Variants in TXNL4A observed in about 807,000 individuals in gnomAD.
TXNL4A encodes thioredoxin-like protein 4A.
TXNL4A carries 17 observed loss-of-function variants against 14.6 expected under a neutral mutation model. The observed-to-expected ratio is 1.16, with a 90% CI of 0.80 to 1.74. TXNL4A has a LOEUF of 1.74. TXNL4A is among the 40% of genes most tolerant of loss of function. The probability of loss-of-function intolerance (pLI) is 0.00; values close to 1 mark genes in which losing one functional copy is unlikely to be tolerated. For synonymous variants in TXNL4A, 83 were observed against 70.6 expected, an observed-to-expected ratio of 1.18 and a Z score of -0.88; for missense variants, 74 against 195.2, an observed-to-expected ratio of 0.38 and a Z score of 3.70.
At chr18:80,007,543 A>AGGCCTGGTTTTG (rs1426364074) in intron 1 of TXNL4A, among the ~76,000 whole-genome samples, 2 of 151,848 alleles carry the variant, frequency 1.3e-5, no homozygotes, top group Non-Finnish European at 2.9e-5. Flanking sequence ...AGGCAGGCCC[A>AGGCCTGGTTTTG]GGCCTGGTTT....
At chr18:80,031,669 G>A in intron 1 of TXNL4A, among the ~76,000 whole-genome samples, 1 of 152,216 alleles carries the variant, frequency 6.6e-6, no homozygotes, top group East Asian at 1.9e-4. Flanking sequence ...AAACGACGGG[G>A]TCATGCTTAT....
intron 1 of TXNL4A, among the ~76,000 whole-genome samples, chr18:80,008,804 G>A (rs1257337056): frequency 1.3e-5 from 2 of 152,138 alleles, no homozygotes; most frequent in Non-Finnish European, 2.9e-5. Flanking sequence ...TTGAGATGGA[G>A]TCTCGCTCTG....
At chr18:79,988,984 A>C (rs1396411726), upstream of TXNL4A, among the ~76,000 whole-genome samples, 3 of 152,210 alleles carry the variant, frequency 2.0e-5, no homozygotes, top group Non-Finnish European at 2.9e-5. Context: ...TGATCATAAA[A>C]ATGTGTCGTT....
rs755824452 is a variant in TXNL4A, at chr18:79,971,528, C to A, written c.*2157G>T. The A allele has an allele frequency of 5.9e-5, 9 of 152,268 alleles. No homozygotes were observed. Among genetic ancestry groups the A allele is most frequent in the Non-Finnish European group, 1.0e-4 (7 of 68,108 alleles). The allele number at this position is 152,268 out of a possible 1,614,324, so 9.4% of individuals were successfully genotyped here. On this transcript the variant is annotated 3_prime_UTR_variant, in exon 3 of 3. Coordinates refer to ENST00000269601, the MANE Select transcript of TXNL4A (RefSeq NM_006701.5). ...TATTTTTTGTAGAGACAGGGTCTCA[C>A]CAGGTTGCCCAGGCTGGTCGTGAAC...
In TXNL4A at chr18:79,984,771, G is replaced by A. The variant is rs1002126569; in HGVS notation, c.153+3469C>T. Among the ~76,000 whole-genome samples, 6 of 152,294 alleles carry A rather than the reference G, an allele frequency of 3.9e-5. No individual in the cohort carries two copies. In the East Asian group the frequency reaches 1.2e-3, roughly 29 times the overall value. ...TTACAGGCACATGCTACAATGCCCA[G>A]CTCACTGAGACTATTTTAAACTCTA... On this transcript the variant is annotated intron_variant, in intron 1 of 2. Transcript: ENST00000269601.
At chr18:80,013,080 AAGAG>A (rs987457710) in intron 1 of TXNL4A, among the ~76,000 whole-genome samples, 1 of 151,880 alleles carries the variant, frequency 6.6e-6, no homozygotes, top group African/African-American at 2.4e-5. Flanking sequence ...AAGAAAAAAT[AAGAG>A]AGAGAGAACA....
At chr18:79,988,618 C>T (rs905643057), upstream of TXNL4A, 93 of 382,202 alleles carry the variant, frequency 2.4e-4, no homozygotes, top group African/African-American at 1.9e-3. Context: ...GCGCTAGCGC[C>T]GTGCGTGCTG....
intron 1 of TXNL4A, among the ~76,000 whole-genome samples, chr18:80,033,192 CACACAT>C (rs1455917530): frequency 6.6e-6 from 1 of 152,224 alleles, no homozygotes; most frequent in Non-Finnish European, 1.5e-5. Context: ...CGCATACACA[CACACAT>C]ATATACGCGC....
intron 2 of TXNL4A, 144 bp downstream of exon 2, chr18:79,977,454 T>C: frequency 1.5e-6 from 1 of 664,804 alleles, no homozygotes; most frequent in Non-Finnish European, 2.7e-6. Context: ...AGATTCACAC[T>C]GATTGCCTGG....
chr18:80,007,361 TGATTGACTGAGCAATCTAGGG>T (rs2051738233), intron 1 of TXNL4A, among the ~76,000 whole-genome samples: 2 of 152,230 alleles, frequency 1.3e-5, no homozygotes, highest in Non-Finnish European at 2.9e-5. Context: ...GAAAGGATTG[TGATTGACTGAGCAATCTAGGG>T]GATACGTAAC....
chr18:80,008,282 G>A (rs1599745601), intron 1 of TXNL4A, among the ~76,000 whole-genome samples: 2 of 152,308 alleles, frequency 1.3e-5, no homozygotes, highest in Middle Eastern at 3.4e-3. Flanking sequence ...GTTATGGTCT[G>A]CTCTTTAAGT....
intron 1 of TXNL4A, among the ~76,000 whole-genome samples, chr18:80,006,530 T>A (rs1338038630): frequency 1.3e-5 from 2 of 152,202 alleles, no homozygotes; most frequent in Admixed American, 1.3e-4. Context: ...AAACTGAGTT[T>A]CAGCATGGCA....
chr18:80,027,232 T>C (rs2051890526), intron 1 of TXNL4A, among the ~76,000 whole-genome samples: 1 of 152,018 alleles, frequency 6.6e-6, no homozygotes, highest in South Asian at 2.1e-4. Context: ...ATAGATGGAA[T>C]CGCCCCTATC....
At chr18:79,981,224 A>G (rs1200757976) in intron 1 of TXNL4A, among the ~76,000 whole-genome samples, 1 of 152,246 alleles carries the variant, frequency 6.6e-6, no homozygotes, top group Non-Finnish European at 1.5e-5. Context: ...GCAAATAATA[A>G]ATTACTTGAA....
At chr18:79,988,697 C>T, upstream of TXNL4A, 1 of 221,776 alleles carries the variant, frequency 4.5e-6, no homozygotes. Flanking sequence ...ACCTGGGCAC[C>T]GTGGAGCGCC....
chr18:80,030,962 A>G (rs1347508805), intron 1 of TXNL4A, among the ~76,000 whole-genome samples: 5 of 152,180 alleles, frequency 3.3e-5, no homozygotes, highest in African/African-American at 9.7e-5. Context: ...GTGAGATTCC[A>G]TGTCAAAATA....
At chr18:80,021,818 T>A (rs1319607366) in intron 1 of TXNL4A, among the ~76,000 whole-genome samples, 1 of 152,186 alleles carries the variant, frequency 6.6e-6, no homozygotes, top group East Asian at 1.9e-4. Flanking sequence ...TGCTTTTGGT[T>A]ACGGAAGAAG....
At chr18:80,019,615 TAGG>T (rs746596827) in intron 1 of TXNL4A, among the ~76,000 whole-genome samples, 12 of 152,210 alleles carry the variant, frequency 7.9e-5, no homozygotes, top group Non-Finnish European at 1.5e-4. Flanking sequence ...GAATTCCACC[TAGG>T]AGGTCTGGCT....
At chr18:79,997,523 G>C (rs989111510) in intron 1 of TXNL4A, among the ~76,000 whole-genome samples, 1 of 152,116 alleles carries the variant, frequency 6.6e-6, no homozygotes, top group African/African-American at 2.4e-5. Context: ...GTACCAGCTA[G>C]TATTTCTCAG....
Sources: gnomAD v4.1 joint callset for allele counts (sites outside exome capture counted in the v4.1 genomes callset) on GRCh38, gnomAD v4.1.1 for gene constraint, MANE v1.5 for transcripts, NCBI Gene and HGNC (gene_info 2026-07-23, HGNC 2026-07-21) for gene names.